Variants in KIAA0825 observed in about 807,000 individuals in gnomAD.
KIAA0825 encodes the protein uncharacterized protein KIAA0825.
A neutral mutation model predicts 147.6 loss-of-function variants in KIAA0825; 119 were observed. The ratio of observed to expected loss-of-function variants is 0.81; its 90% confidence interval spans 0.69 to 0.94. The LOEUF (loss-of-function observed/expected upper bound fraction) is 0.94, where lower values mean the gene tolerates loss of function less well. Among genes scored for constraint, KIAA0825 ranks in the 40% least tolerant of loss-of-function variants. The probability of loss-of-function intolerance (pLI) is 0.00; values close to 1 mark genes in which losing one functional copy is unlikely to be tolerated. For synonymous variants in KIAA0825, 470 were observed against 518.1 expected, an observed-to-expected ratio of 0.91 and a Z score of 1.26; for missense variants, 1,381 against 1,472.7, an observed-to-expected ratio of 0.94 and a Z score of 1.02.
chr5:94,301,401 A>T lies in KIAA0825; in HGVS notation c.3710+82967T>A, dbSNP rs188166519. On this transcript the variant is annotated intron_variant, in intron 20 of 20. Coordinates refer to ENST00000682413, the MANE Select transcript of KIAA0825 (RefSeq NM_001145678.3). ...TAATAAATAAATATATATATATATA[A>T]AAAATATATACTTGTAAACCAAAAC... Among the ~76,000 whole-genome samples, 380 of 150,922 alleles carry T rather than the reference A, an allele frequency of 2.5e-3. 2 individuals carry two copies. Among genetic ancestry groups the T allele is most frequent in the Middle Eastern group, 7.1e-3 (2 of 282 alleles).
At chr5:94,249,528 G>C (rs1375508923) in intron 20 of KIAA0825, among the ~76,000 whole-genome samples, 1 of 151,966 alleles carries the variant, frequency 6.6e-6, no homozygotes, top group Non-Finnish European at 1.5e-5. Flanking sequence ...AAGCATGAGG[G>C]CATGTGTAAC....
At chr5:94,240,499 T>C (rs2150103280) in intron 20 of KIAA0825, among the ~76,000 whole-genome samples, 1 of 152,312 alleles carries the variant, frequency 6.6e-6, no homozygotes, top group South Asian at 2.1e-4. Flanking sequence ...TAAGTGTAAA[T>C]AGAGACACAA....
At chr5:94,403,260 A>T (rs1233406674) in intron 16 of KIAA0825, among the ~76,000 whole-genome samples, 1 of 152,214 alleles carries the variant, frequency 6.6e-6, no homozygotes, top group Non-Finnish European at 1.5e-5. Context: ...AAGTTACTCA[A>T]CAAATTTTGA....
intron 3 of KIAA0825, among the ~76,000 whole-genome samples, chr5:94,529,327 T>A (rs942248187): frequency 2.8e-5 from 4 of 145,240 alleles, no homozygotes; most frequent in Non-Finnish European, 4.5e-5. Flanking sequence ...TATATGTATA[T>A]ATCATATATA....
intron 20 of KIAA0825, among the ~76,000 whole-genome samples, chr5:94,308,401 G>A (rs1442163260): frequency 6.6e-6 from 1 of 151,692 alleles, no homozygotes; most frequent in African/African-American, 2.4e-5. Context: ...TCCAGTATTG[G>A]TTTTAAAGAT....
chr5:94,466,482 G>T (rs1445112945), intron 10 of KIAA0825, among the ~76,000 whole-genome samples: 1 of 151,952 alleles, frequency 6.6e-6, no homozygotes, highest in South Asian at 2.1e-4. Context: ...CACGTTAGGA[G>T]GCCTAGGTGG....
intron 5 of KIAA0825, among the ~76,000 whole-genome samples, chr5:94,490,857 T>C (rs1391537013): frequency 6.6e-6 from 1 of 152,164 alleles, no homozygotes; most frequent in African/African-American, 2.4e-5. Flanking sequence ...ATTTAGGACA[T>C]TGAAAATAAA....
intron 20 of KIAA0825, among the ~76,000 whole-genome samples, chr5:94,169,901 A>G (rs1166859569): frequency 6.6e-6 from 1 of 152,168 alleles, no homozygotes; most frequent in East Asian, 1.9e-4. Flanking sequence ...TATTATTGCT[A>G]CAGACCAGGA....
At chr5:94,259,936 T>A (rs947436828) in intron 20 of KIAA0825, among the ~76,000 whole-genome samples, 6 of 152,064 alleles carry the variant, frequency 3.9e-5, no homozygotes, top group Non-Finnish European at 7.4e-5. Context: ...TTTGTCCTTG[T>A]GACTTATAAT....
intron 20 of KIAA0825, among the ~76,000 whole-genome samples, chr5:94,238,687 C>T (rs1305027559): frequency 2.0e-5 from 3 of 152,030 alleles, no homozygotes; most frequent in Middle Eastern, 3.2e-3. Flanking sequence ...TCACCACGAG[C>T]GAAGCCAAAA....
At chr5:94,517,722 T>G (rs1392971078) in intron 5 of KIAA0825, among the ~76,000 whole-genome samples, 2 of 150,916 alleles carry the variant, frequency 1.3e-5, no homozygotes, top group African/African-American at 4.8e-5. Context: ...TAAATTTAAA[T>G]AAATTAAATT....
chr5:94,351,795 C>T (rs401521), intron 20 of KIAA0825, among the ~76,000 whole-genome samples: 29,749 of 151,766 alleles, frequency 0.2, 3,416 homozygotes, highest in Middle Eastern at 0.26. Flanking sequence ...AACTGATTTT[C>T]GACAAAGCAA....
rs181998350 is a variant in KIAA0825, at chr5:94,576,287, T to C, written c.-2+6146A>G. 3.8e-3 allele frequency among the ~76,000 whole-genome samples: 586 copies of C among 152,282 alleles called. 15 individuals are homozygous for C. The highest frequency in any genetic ancestry group is 1.0e-3 in the Non-Finnish European group (69 of 68,026). On this transcript the variant is annotated intron_variant, in intron 2 of 20. Transcript: ENST00000682413. ...TGCTATGGTTTGAATATTTGTCCCC[T>C]CCAACACTGATGTTGAAATTTAATC...
chr5:94,369,155 CAAAT>C (rs1010809985), intron 20 of KIAA0825, among the ~76,000 whole-genome samples: 1 of 151,392 alleles, frequency 6.6e-6, no homozygotes, highest in East Asian at 1.9e-4. Context: ...GAGACCTAGA[CAAAT>C]AAATAAATAT....
intron 5 of KIAA0825, among the ~76,000 whole-genome samples, chr5:94,489,586 AAC>A (rs1491566717): frequency 4.6e-5 from 7 of 151,664 alleles, no homozygotes; most frequent in Admixed American, 6.6e-5. Flanking sequence ...AAAAAAAAAA[AAC>A]AAACTCCACT....
At chr5:94,580,272 G>C (rs900273897) in intron 2 of KIAA0825, among the ~76,000 whole-genome samples, 1 of 152,280 alleles carries the variant, frequency 6.6e-6, no homozygotes, top group Admixed American at 6.5e-5. Context: ...TTGGTTGGTG[G>C]CTATCTTTAA....
intron 17 of KIAA0825, among the ~76,000 whole-genome samples, chr5:94,394,725 A>G (rs1387168649): frequency 6.6e-6 from 1 of 152,194 alleles, no homozygotes; most frequent in Non-Finnish European, 1.5e-5. Flanking sequence ...AACCACTGCC[A>G]TGGATAATGA....
intron 1 of KIAA0825, among the ~76,000 whole-genome samples, chr5:94,582,901 G>A (rs1419480225): frequency 2.0e-5 from 3 of 152,140 alleles, no homozygotes; most frequent in African/African-American, 4.8e-5. Context: ...AGAGAGTAAC[G>A]TGTGGTTGCA....
chr5:94,226,813 C>T (rs1452777490), intron 20 of KIAA0825, among the ~76,000 whole-genome samples: 2 of 151,382 alleles, frequency 1.3e-5, no homozygotes, highest in East Asian at 3.9e-4. Flanking sequence ...CCATCACTGG[C>T]CATCAGAGAA....
Sources: gnomAD v4.1 joint callset for allele counts (sites outside exome capture counted in the v4.1 genomes callset) on GRCh38, gnomAD v4.1.1 for gene constraint, MANE v1.5 for transcripts, NCBI Gene and HGNC (gene_info 2026-07-23, HGNC 2026-07-21) for gene names.